TRIM2: variants seen among roughly 807,000 people sequenced by gnomAD.
TRIM2 encodes the protein tripartite motif-containing protein 2.
TRIM2 carries 20 observed loss-of-function variants against 75.2 expected under a neutral mutation model. The observed-to-expected ratio is 0.27, with a 90% CI of 0.19 to 0.39. The LOEUF is 0.39. Among genes scored for constraint, TRIM2 ranks in the 10% least tolerant of loss-of-function variants. The pLI, the probability that TRIM2 is intolerant of heterozygous loss-of-function variation, is 1.00. For missense variants in TRIM2, 660 were observed against 990.8 expected (o/e 0.67, Z 4.48); for synonymous variants, 373 against 388.3 (o/e 0.96, Z 0.46).
intron 1 of TRIM2, among the ~76,000 whole-genome samples, chr4:153,215,032 G>A (rs1738098047): frequency 6.6e-6 from 1 of 152,088 alleles, no homozygotes; most frequent in Non-Finnish European, 1.5e-5. Context: ...CACCCACACT[G>A]GTTCCCTAAA....
At chr4:153,263,692 C>G (rs906722849) in intron 1 of TRIM2, among the ~76,000 whole-genome samples, 13 of 152,228 alleles carry the variant, frequency 8.5e-5, no homozygotes, top group African/African-American at 2.9e-4. Flanking sequence ...AACAAAAATG[C>G]CATGGATTGG....
chr4:153,276,183 G>T (rs1418745642), intron 3 of TRIM2, 53 bp downstream of exon 3: 2 of 1,484,614 alleles, frequency 1.3e-6, no homozygotes, highest in Non-Finnish European at 1.9e-6. Flanking sequence ...CTGTGGCCTT[G>T]GGGAGGCTTT....
chr4:153,212,377 A>C (rs1737284699), intron 1 of TRIM2, among the ~76,000 whole-genome samples: 1 of 152,212 alleles, frequency 6.6e-6, no homozygotes, highest in African/African-American at 2.4e-5. Context: ...TAGGCATTGG[A>C]GGCTCCAAAA....
chr4:153,337,812 C>G lies in TRIM2; in HGVS notation c.*2846C>G. ...TGATAAGTAGCACTGAAAAATTACT[C>G]ATTCAAATTTCCCCTGGGCACGTAA... On this transcript the variant is annotated 3_prime_UTR_variant, in exon 12 of 12. Coordinates refer to ENST00000338700, the MANE Select transcript of TRIM2 (RefSeq NM_015271.5). The G allele has an allele frequency of 1.0e-6, 1 of 985,782 alleles. No homozygotes were observed. The highest frequency in any genetic ancestry group is 1.1e-4 in the East Asian group (1 of 8,818). 61.1% of individuals were successfully genotyped at this position (985,782 alleles called of 1,614,324 possible).
At chr4:153,242,629 TG>T (rs908794671) in intron 1 of TRIM2, among the ~76,000 whole-genome samples, 1 of 152,210 alleles carries the variant, frequency 6.6e-6, no homozygotes, top group African/African-American at 2.4e-5. Flanking sequence ...GACCTTTGCT[TG>T]TTGTATTCCC....
At chr4:153,238,563 T>C (rs1391364389) in intron 1 of TRIM2, among the ~76,000 whole-genome samples, 1 of 152,152 alleles carries the variant, frequency 6.6e-6, no homozygotes, top group Non-Finnish European at 1.5e-5. Context: ...AGGAAAAGCA[T>C]GTATAAAGGT....
chr4:153,199,743 T>C (rs1734132218), upstream of TRIM2, among the ~76,000 whole-genome samples: 1 of 152,196 alleles, frequency 6.6e-6, no homozygotes, highest in Non-Finnish European at 1.5e-5. Context: ...ATTCATTTAA[T>C]AAATCCTCTT....
At chr4:153,190,637 A>G (rs956664965) in intron 1 of TRIM2, among the ~76,000 whole-genome samples, 1 of 152,206 alleles carries the variant, frequency 6.6e-6, no homozygotes, top group Non-Finnish European at 1.5e-5. Flanking sequence ...AAAAAGATGG[A>G]TGTCATTGGG....
intron 1 of TRIM2, among the ~76,000 whole-genome samples, chr4:153,258,060 C>T (rs1752506004): frequency 6.6e-6 from 1 of 152,038 alleles, no homozygotes; most frequent in Non-Finnish European, 1.5e-5. Flanking sequence ...AATTTTGCCC[C>T]CTGCATCTCT....
Position 153,158,105 on chromosome 4 carries a change from T to C in TRIM2, c.-49+4835T>C, listed in dbSNP as rs150537354. On this transcript the variant is annotated intron_variant, in intron 1 of 11. Coordinates refer to the TRIM2 transcript ENST00000437508. ...CTAGAGCTTTCCTGTTGGCTCTTTC[T>C]TTTTGACAAATTGACTACTTAACGG... Among the ~76,000 whole-genome samples the C allele has an allele frequency of 2.7e-3, 412 of 152,360 alleles. 1 individual carries two copies. The highest frequency in any genetic ancestry group is 4.7e-3 in the Non-Finnish European group (318 of 68,026).
At chr4:153,193,081 C>G (rs371827809) in intron 1 of TRIM2, among the ~76,000 whole-genome samples, 22 of 149,642 alleles carry the variant, frequency 1.5e-4, no homozygotes, top group African/African-American at 5.4e-4. Flanking sequence ...TTCCTCATCT[C>G]TTAGGAGCAT....
chr4:153,169,483 C>T (rs923528952), intron 1 of TRIM2, among the ~76,000 whole-genome samples: 2 of 152,138 alleles, frequency 1.3e-5, no homozygotes, highest in African/African-American at 4.8e-5. Flanking sequence ...GATGATCTAC[C>T]TTGGTATGTG....
At chr4:153,213,027 C>T (rs989434133) in intron 1 of TRIM2, among the ~76,000 whole-genome samples, 18 of 152,200 alleles carry the variant, frequency 1.2e-4, no homozygotes, top group Admixed American at 2.0e-4. Flanking sequence ...CATGAGATAT[C>T]ACCAGTCTGC....
At chr4:153,285,041 C>T (rs1482546338) in intron 3 of TRIM2, among the ~76,000 whole-genome samples, 1 of 151,942 alleles carries the variant, frequency 6.6e-6, no homozygotes, top group East Asian at 1.9e-4. Context: ...AAATTCACCC[C>T]TGTTTCCTTC....
At chr4:153,213,250 G>C (rs1417362519) in intron 1 of TRIM2, among the ~76,000 whole-genome samples, 1 of 152,200 alleles carries the variant, frequency 6.6e-6, no homozygotes, top group East Asian at 1.9e-4. Context: ...TCAGTTTCCA[G>C]AGCCTGTGTT....
At chr4:153,268,242 T>C (rs1269980505) in intron 1 of TRIM2, among the ~76,000 whole-genome samples, 1 of 152,238 alleles carries the variant, frequency 6.6e-6, no homozygotes, top group Non-Finnish European at 1.5e-5. Context: ...AGGTTCAGAC[T>C]CTTGCAGCCA....
chr4:153,190,459 A>G (rs1733066023), intron 1 of TRIM2, among the ~76,000 whole-genome samples: 1 of 152,208 alleles, frequency 6.6e-6, no homozygotes. Flanking sequence ...TTAGGGGAGG[A>G]TGCTAATATT....
intron 5 of TRIM2, 142 bp downstream of exon 5, chr4:153,294,627 G>C: frequency 4.3e-6 from 4 of 921,868 alleles, no homozygotes; most frequent in South Asian, 5.4e-5. Context: ...GTAATATCCA[G>C]CTATTTTTTC....
chr4:153,232,949 C>T (rs1036429697), intron 1 of TRIM2, among the ~76,000 whole-genome samples: 20 of 152,046 alleles, frequency 1.3e-4, no homozygotes, highest in African/African-American at 2.7e-4. Flanking sequence ...GTGACAGAGC[C>T]GGGTGGAGCT....
Sources: gnomAD v4.1 joint callset for allele counts (sites outside exome capture counted in the v4.1 genomes callset) on GRCh38, gnomAD v4.1.1 for gene constraint, MANE v1.5 for transcripts, NCBI Gene and HGNC (gene_info 2026-07-23, HGNC 2026-07-21) for gene names.